GRID2: variants seen among roughly 807,000 people sequenced by gnomAD.
GRID2 encodes glutamate receptor ionotropic, delta-2.
Under a neutral mutation model 114.8 loss-of-function variants are expected in GRID2, and 33 were observed. The ratio of observed to expected loss-of-function variants is 0.29; its 90% CI spans 0.22 to 0.38. The LOEUF is 0.38. GRID2 is among the 10% of genes least tolerant of loss of function. The pLI is 1.00. For missense variants in GRID2, 1,184 were observed against 1,257.7 expected (o/e 0.94, Z 0.89); for synonymous variants, 505 against 449.9 (o/e 1.12, Z -1.55).
In GRID2 at chr4:92,514,634, T is replaced by C. The variant is rs1724418307; in HGVS notation, c.89-75497T>C. 2.0e-5 allele frequency among the ~76,000 whole-genome samples: 3 copies of C among 151,892 alleles called. No homozygotes were observed. The South Asian group carries it at 6.2e-4, about 31-fold the overall frequency. On this transcript the variant is annotated intron_variant, in intron 1 of 15. Coordinates refer to ENST00000282020, the MANE Select transcript of GRID2 (RefSeq NM_001510.4). ...AAGAATGATCATATAAAATCTTAGA[T>C]CTTTCTATGAAGAATTACACTTCTA...
At chr4:93,564,293 G>A (rs1370909311) in intron 13 of GRID2, among the ~76,000 whole-genome samples, 1 of 150,502 alleles carries the variant, frequency 6.6e-6, no homozygotes, top group Admixed American at 6.6e-5. Context: ...CCTAATGGAT[G>A]TCCTTTTATT....
At chr4:93,191,258 AGAAT>A (rs149422040) in intron 4 of GRID2, among the ~76,000 whole-genome samples, 115 of 152,204 alleles carry the variant, frequency 7.6e-4, no homozygotes, top group Admixed American at 2.9e-3. Flanking sequence ...ATACCTGGAA[AGAAT>A]GTAACCATGT....
intron 10 of GRID2, among the ~76,000 whole-genome samples, 187 bp downstream of exon 10, chr4:93,423,155 G>A (rs1768470180): frequency 6.6e-6 from 1 of 151,978 alleles, no homozygotes; most frequent in Admixed American, 6.6e-5. Context: ...TATGAACTTT[G>A]TGGAAAGAAA....
chr4:92,610,059 C>A (rs1423499617), intron 2 of GRID2, among the ~76,000 whole-genome samples: 1 of 151,578 alleles, frequency 6.6e-6, no homozygotes, highest in East Asian at 1.9e-4. Flanking sequence ...TTATGGTCCC[C>A]CAAATAAGAT....
rs145818903 is a variant in GRID2, at chr4:93,388,151, A to AG, written c.1246-7455dup. Among the ~76,000 whole-genome samples, 1,313 of 152,284 alleles carry AG rather than the reference A, an allele frequency of 8.6e-3. 17 individuals are homozygous for AG. The highest frequency in any genetic ancestry group is 0.03 in the African/African-American group (1,241 of 41,564). On this transcript the variant is annotated intron_variant, in intron 8 of 15. Transcript: ENST00000282020. Reference sequence around the variant, plus strand: ...TGAGGTAGCCTGGGGTGGGGGCAGGAGATCAAGGAGAGTTTACCCCAAACT... The same window carrying AG: ...TGAGGTAGCCTGGGGTGGGGGCAGGAGGATCAAGGAGAGTTTACCCCAAACT...
intron 8 of GRID2, among the ~76,000 whole-genome samples, chr4:93,257,956 C>G (rs1351023579): frequency 1.4e-5 from 2 of 144,136 alleles, no homozygotes; most frequent in South Asian, 4.3e-4. Flanking sequence ...TGTATATATA[C>G]ATATACACAC....
At chr4:92,923,854 A>G (rs1320933500) in intron 2 of GRID2, among the ~76,000 whole-genome samples, 1 of 152,212 alleles carries the variant, frequency 6.6e-6, no homozygotes, top group East Asian at 1.9e-4. Context: ...TTCCTCAGGG[A>G]TCTAGAACTA....
intron 1 of GRID2, among the ~76,000 whole-genome samples, chr4:92,437,326 C>T (rs1732783509): frequency 6.6e-6 from 1 of 152,210 alleles, no homozygotes; most frequent in Non-Finnish European, 1.5e-5. Flanking sequence ...GTAGCCCAGC[C>T]TGGAGTGCAG....
At chr4:93,797,891 A>C (rs1459217008) in intron 1 of GRID2, among the ~76,000 whole-genome samples, 2 of 150,500 alleles carry the variant, frequency 1.3e-5, no homozygotes, top group Non-Finnish European at 3.0e-5. Context: ...GGTGGCTCAC[A>C]CCTGTAATCC....
At chr4:93,407,869 T>C (rs1766688355) in intron 9 of GRID2, among the ~76,000 whole-genome samples, 1 of 151,396 alleles carries the variant, frequency 6.6e-6, no homozygotes, top group South Asian at 2.1e-4. Flanking sequence ...CTCCTTCTCC[T>C]CCTTCTTCTT....
At chr4:93,798,812 T>C (rs529984855) in intron 1 of GRID2, among the ~76,000 whole-genome samples, 42 of 152,342 alleles carry the variant, frequency 2.8e-4, no homozygotes, top group Non-Finnish European at 4.9e-4. Context: ...GAAAGAGAAC[T>C]GGACCAGGAG....
intron 1 of GRID2, among the ~76,000 whole-genome samples, chr4:92,340,099 ATTAT>A (rs1560575549): frequency 6.6e-6 from 1 of 152,280 alleles, no homozygotes; most frequent in Non-Finnish European, 1.5e-5. Context: ...AAAATAATGT[ATTAT>A]TTAAGATAAT....
intron 1 of GRID2, among the ~76,000 whole-genome samples, chr4:92,388,889 A>G (rs1730109180): frequency 6.6e-6 from 1 of 152,092 alleles, no homozygotes; most frequent in Admixed American, 6.6e-5. Context: ...AACAAGTGCT[A>G]TGCAATTAAA....
chr4:93,136,232 TTGTGTGTGTGTGTGTGTGTGTGTGTG>T (rs3970984), intron 4 of GRID2, among the ~76,000 whole-genome samples: 1 of 142,282 alleles, frequency 7.0e-6, no homozygotes. Flanking sequence ...CCAACAGTTA[TTGTGTGTGTGTGTGTGTGTGTGTGTG>T]TGTGTGTGTG....
chr4:93,374,683 T>G (rs940171094), intron 8 of GRID2, among the ~76,000 whole-genome samples: 1 of 152,132 alleles, frequency 6.6e-6, no homozygotes, highest in Admixed American at 6.6e-5. Flanking sequence ...AACCAGAAAT[T>G]GGTGGTTTCA....
intron 1 of GRID2, among the ~76,000 whole-genome samples, chr4:92,447,130 A>T (rs1032149804): frequency 6.6e-6 from 1 of 152,224 alleles, no homozygotes; most frequent in Non-Finnish European, 1.5e-5. Flanking sequence ...GATTGCAGAT[A>T]GTAATGCATT....
chr4:93,326,208 G>C (rs1221305509), intron 8 of GRID2, among the ~76,000 whole-genome samples: 1 of 152,152 alleles, frequency 6.6e-6, no homozygotes, highest in Non-Finnish European at 1.5e-5. Context: ...TGCCGAAGAA[G>C]TGGAAATCAG....
At chr4:93,714,508 A>G (rs1728744600) in intron 14 of GRID2, among the ~76,000 whole-genome samples, 1 of 152,138 alleles carries the variant, frequency 6.6e-6, no homozygotes, top group African/African-American at 2.4e-5. Flanking sequence ...TCTTTAAGGA[A>G]TTGCCACACT....
intron 1 of GRID2, among the ~76,000 whole-genome samples, chr4:92,577,735 A>G (rs1412910960): frequency 6.6e-6 from 1 of 152,160 alleles, no homozygotes; most frequent in Non-Finnish European, 1.5e-5. Flanking sequence ...ATTCTTCTAT[A>G]AAGGAGTTGA....
Sources: allele counts gnomAD v4.1 joint callset (sites outside exome capture counted in the v4.1 genomes callset), GRCh38; gene constraint gnomAD v4.1.1; transcripts MANE v1.5; gene names NCBI Gene and HGNC (gene_info 2026-07-23, HGNC 2026-07-21).